Variants in FOXP2 observed in about 807,000 individuals in gnomAD.
The protein encoded by FOXP2 is forkhead box protein P2.
FOXP2 carries 12 observed loss-of-function variants against 115.8 expected under a neutral mutation model. The observed-to-expected ratio is 0.10, with a 90% CI of 0.07 to 0.17. FOXP2 has a LOEUF of 0.17. Ranked by LOEUF, FOXP2 falls within the 10% of genes least tolerant of loss-of-function variation. The probability of loss-of-function intolerance (pLI) is 1.00; values close to 1 mark genes in which losing one functional copy is unlikely to be tolerated. For missense variants in FOXP2, 629 were observed against 843.5 expected, an observed-to-expected ratio of 0.75 and a Z score of 3.15; for synonymous variants, 328 against 297.7, an observed-to-expected ratio of 1.10 and a Z score of -1.05.
chr7:114,471,121 G>A (rs1009020267), intron 2 of FOXP2, among the ~76,000 whole-genome samples: 1 of 152,040 alleles, frequency 6.6e-6, no homozygotes, highest in Admixed American at 6.6e-5. Context: ...TATTTTTTAA[G>A]TATGTTAAAG....
chr7:114,355,035 A>G (rs893925702), intron 2 of FOXP2, among the ~76,000 whole-genome samples: 4 of 152,216 alleles, frequency 2.6e-5, no homozygotes, highest in Non-Finnish European at 5.9e-5. Flanking sequence ...TGACATATCT[A>G]TAACTAATAT....
chr7:114,206,024 G>C (rs1026151916), intron 1 of FOXP2, among the ~76,000 whole-genome samples: 1 of 152,144 alleles, frequency 6.6e-6, no homozygotes, highest in Non-Finnish European at 1.5e-5. Flanking sequence ...GACTCCAAGA[G>C]TTTGAGAATA....
chr7:114,209,916 G>T (rs1244307202), intron 1 of FOXP2, among the ~76,000 whole-genome samples: 2 of 152,066 alleles, frequency 1.3e-5, no homozygotes, highest in Non-Finnish European at 2.9e-5. Flanking sequence ...TCTGCTGTCT[G>T]TTCTGCTGTT....
intron 1 of FOXP2, among the ~76,000 whole-genome samples, chr7:114,250,366 G>C (rs1056815529): frequency 6.6e-6 from 1 of 152,238 alleles, no homozygotes; most frequent in Non-Finnish European, 1.5e-5. Context: ...TTGAGGAATC[G>C]CCACACTGAC....
At chr7:114,382,895 C>A (rs1487045820) in intron 2 of FOXP2, among the ~76,000 whole-genome samples, 1 of 152,146 alleles carries the variant, frequency 6.6e-6, no homozygotes, top group South Asian at 2.1e-4. Flanking sequence ...TTGAATAATT[C>A]ATAGCCTTCT....
intron 1 of FOXP2, among the ~76,000 whole-genome samples, chr7:114,249,055 A>G (rs1342929729): frequency 6.6e-6 from 1 of 152,180 alleles, no homozygotes; most frequent in Non-Finnish European, 1.5e-5. Flanking sequence ...TACCTGCTCT[A>G]TGGAACTCGT....
At chr7:114,384,463 A>G (rs563003500) in intron 2 of FOXP2, among the ~76,000 whole-genome samples, 3 of 152,150 alleles carry the variant, frequency 2.0e-5, no homozygotes, top group South Asian at 4.1e-4. Context: ...TTCTTAGGCA[A>G]TTTTTTAACT....
intron 6 of FOXP2, among the ~76,000 whole-genome samples, 172 bp from the exon 7 acceptor site, chr7:114,642,238 T>C (rs1805575458): frequency 6.6e-6 from 1 of 152,180 alleles, no homozygotes; most frequent in Admixed American, 6.5e-5. Flanking sequence ...TGATTGTTTT[T>C]CAAGACAAAA....
At chr7:114,415,792 C>T (rs944912914) in intron 1 of FOXP2, among the ~76,000 whole-genome samples, 3 of 151,830 alleles carry the variant, frequency 2.0e-5, no homozygotes, top group Admixed American at 6.6e-5. Context: ...CTCTCTGTGC[C>T]GTGCTGTGTA....
At chr7:114,462,628 C>T (rs562182700) in intron 2 of FOXP2, among the ~76,000 whole-genome samples, 112 of 152,190 alleles carry the variant, frequency 7.4e-4, no homozygotes, top group African/African-American at 1.7e-3. Flanking sequence ...GCCTCAGCCT[C>T]CCAAAGTGCT....
At chr7:114,528,282 A>T (rs957694635) in intron 2 of FOXP2, among the ~76,000 whole-genome samples, 2 of 152,052 alleles carry the variant, frequency 1.3e-5, no homozygotes, top group African/African-American at 4.8e-5. Context: ...CCCAAATATT[A>T]TATCCTCCAT....
At chr7:114,477,337 A>C (rs924202619) in intron 2 of FOXP2, among the ~76,000 whole-genome samples, 2 of 152,026 alleles carry the variant, frequency 1.3e-5, no homozygotes, top group Admixed American at 1.3e-4. Context: ...ATAAAAATGA[A>C]TGAAATCATG....
chr7:114,678,351 A>C (rs1807886941), intron 16 of FOXP2, among the ~76,000 whole-genome samples: 2 of 152,096 alleles, frequency 1.3e-5, no homozygotes, highest in Non-Finnish European at 1.5e-5. Flanking sequence ...GATACCTGTA[A>C]AATGAGATTG....
chr7:114,689,830 C>A lies in FOXP2; in HGVS notation c.2052C>A (p.Asp684Glu). The change falls in exon 17 of 17, where the codon GAC (aspartate) becomes GAA (glutamate). Residue 684 changes from aspartate (D) to glutamate (E), a missense_variant. Physicochemically the swap from Asp to Glu is conservative, Grantham distance 45 (BLOSUM62 2). This residue lies in a region of FOXP2 where 117 missense variants were observed against 112.3 expected (regional missense o/e 1.04). Coordinates refer to ENST00000350908, the MANE Select transcript of FOXP2 (RefSeq NM_014491.4). ...AGCCAGTGATTGCAGAGGATGAAGACTGCCCAATGTCCTTAGTGACAACAG... is the reference window on the plus strand; with the variant it reads ...AGCCAGTGATTGCAGAGGATGAAGAATGCCCAATGTCCTTAGTGACAACAG... ...KEEPVIAEDEDCPMSLVTTAN... is the reference protein window; with the variant it reads ...KEEPVIAEDEECPMSLVTTAN... 6.2e-7 allele frequency: 1 copy of A among 1,613,530 alleles called. No individual in the cohort carries two copies. Among genetic ancestry groups the A allele is most frequent in the Non-Finnish European group, 8.5e-7 (1 of 1,179,580 alleles).
At chr7:114,361,942 G>A (rs968170806) in intron 2 of FOXP2, among the ~76,000 whole-genome samples, 6 of 151,926 alleles carry the variant, frequency 3.9e-5, no homozygotes, top group African/African-American at 4.8e-5. Context: ...ACAAAGATTC[G>A]CTATAGGAAC....
chr7:114,599,891 A>G (rs1320625913), intron 3 of FOXP2, among the ~76,000 whole-genome samples: 1 of 152,124 alleles, frequency 6.6e-6, no homozygotes, highest in African/African-American at 2.4e-5. Flanking sequence ...TTTTTGGTTT[A>G]CAGAAGAATT....
At chr7:114,496,603 T>G (rs1797332126) in intron 2 of FOXP2, among the ~76,000 whole-genome samples, 1 of 152,162 alleles carries the variant, frequency 6.6e-6, no homozygotes, top group South Asian at 2.1e-4. Flanking sequence ...AATTACTAGT[T>G]AATTCAGAAG....
At chr7:114,191,147 C>T (rs1793750925) in intron 1 of FOXP2, among the ~76,000 whole-genome samples, 1 of 152,136 alleles carries the variant, frequency 6.6e-6, no homozygotes, top group Non-Finnish European at 1.5e-5. Flanking sequence ...TCCTCTTGAA[C>T]TTTCTATCCC....
At chr7:114,254,104 A>C (rs1441951009) in intron 1 of FOXP2, among the ~76,000 whole-genome samples, 2 of 152,124 alleles carry the variant, frequency 1.3e-5, no homozygotes, top group South Asian at 2.1e-4. Flanking sequence ...TTTCTTTAAG[A>C]ATGTTGAATA....
Sources: gnomAD v4.1 joint callset for allele counts (sites outside exome capture counted in the v4.1 genomes callset) on GRCh38, gnomAD v4.1.1 for gene constraint, gnomAD v4.1.1 regional missense constraint, MANE v1.5 for transcripts, NCBI Gene and HGNC (gene_info 2026-07-23, HGNC 2026-07-21) for gene names.